The following CCDC15 variants were observed in gnomAD, a reference collection of about 807,000 sequenced individuals.
CCDC15 encodes the protein coiled-coil domain-containing protein 15.
CCDC15 carries 105 observed loss-of-function variants against 114.5 expected under a neutral mutation model. The observed-to-expected ratio is 0.92, with a 90% CI of 0.78 to 1.08. The LOEUF (loss-of-function observed/expected upper bound fraction) is 1.08. Ranked by LOEUF, CCDC15 falls within the 50% of genes least tolerant of loss-of-function variation. The pLI, the probability that CCDC15 is intolerant of heterozygous loss-of-function variation, is 0.00. For missense variants in CCDC15, 1,105 were observed against 1,093.6 expected (o/e 1.01, Z -0.15); for synonymous variants, 334 against 377.8 (o/e 0.88, Z 1.34).
At chr11:125,035,295 A>G (rs1333467382) in intron 13 of CCDC15, among the ~76,000 whole-genome samples, 4 of 152,072 alleles carry the variant, frequency 2.6e-5, no homozygotes, top group East Asian at 1.9e-4. Flanking sequence ...ACATCCTTCA[A>G]TTCAATCAAG....
At position 124,992,687 on chromosome 11, in the gene CCDC15, G is replaced by A. The variant is rs1364968571; in HGVS notation, c.2139G>A (p.Gln713=). 1 of 1,527,302 alleles carries A rather than the reference G, an allele frequency of 6.5e-7. No homozygotes were observed. The highest frequency in any genetic ancestry group is 2.3e-5 in the East Asian group (1 of 43,690). 94.6% of individuals were successfully genotyped at this position (1,527,302 alleles called of 1,614,324 possible). The change falls in exon 10 of 16, where the codon CAG becomes CAA. Residue 713 remains glutamine, a splice_region_variant and synonymous_variant. Transcript: ENST00000344762. The part of the protein sequence containing the change: ...KIQDQDSPRE[Q]NKHIKLPSSF... Reference sequence around the variant, plus strand: ...AGGACCAAGACTCCCCTAGAGAACAGGTAGAACCGAATACAGTAGGAGGAC... The same window carrying A: ...AGGACCAAGACTCCCCTAGAGAACAAGTAGAACCGAATACAGTAGGAGGAC...
intron 13 of CCDC15, among the ~76,000 whole-genome samples, chr11:125,018,875 T>A (rs1948644880): frequency 6.6e-6 from 1 of 151,798 alleles, no homozygotes; most frequent in African/African-American, 2.4e-5. Flanking sequence ...TTTGAAGGAT[T>A]TGTGGGGATA....
Position 125,005,040 on chromosome 11 carries a change from A to G in CCDC15, c.2308-69A>G, listed in dbSNP as rs1948537290. On this transcript the variant is annotated intron_variant, in intron 12 of 15. Coordinates refer to ENST00000344762, the MANE Select transcript of CCDC15 (RefSeq NM_025004.3). ...TGCATTTGTTTTTGTCTATGGTATA[A>G]GAATATTTTTCTTCCTTGGAAATTC... 4.6e-6 allele frequency: 3 copies of G among 658,040 alleles called. No individual in the cohort carries two copies. The South Asian group carries it at 6.7e-5, about 15-fold the overall frequency. The allele number at this position is 658,040 out of a possible 1,614,324, so 40.8% of individuals were successfully genotyped here. A position where few individuals can be genotyped will look rare whatever the true frequency, so the allele number is the denominator to read the frequency against.
intron 13 of CCDC15, among the ~76,000 whole-genome samples, chr11:125,037,920 GT>G (rs201886134): frequency 6.5e-4 from 75 of 115,114 alleles, no homozygotes; most frequent in East Asian, 2.6e-3. Flanking sequence ...CAGAAAAACT[GT>G]TTTTTTTTTT....
At chr11:124,998,668 T>C (rs1948417290) in intron 11 of CCDC15, among the ~76,000 whole-genome samples, 1 of 152,030 alleles carries the variant, frequency 6.6e-6, no homozygotes, top group South Asian at 2.1e-4. Flanking sequence ...CTATCTACAC[T>C]GAAAACTCCA....
At chr11:125,003,818 G>A in intron 11 of CCDC15, 49 bp from the exon 12 acceptor site, 2 of 983,024 alleles carry the variant, frequency 2.0e-6, no homozygotes, top group Non-Finnish European at 3.0e-6. Context: ...TGTTCATGGG[G>A]TAGTTTTTGG....
At chr11:124,985,055 C>G (rs1948133674) in intron 6 of CCDC15, among the ~76,000 whole-genome samples, 1 of 152,192 alleles carries the variant, frequency 6.6e-6, no homozygotes, top group Non-Finnish European at 1.5e-5. Context: ...TACCTTTTGT[C>G]TGTATAGGTT....
rs142844221 is a variant in CCDC15 at position 124,969,968 on chromosome 11, G to A, written c.517-5128G>A. On this transcript the variant is annotated intron_variant, in intron 4 of 15. Transcript: ENST00000344762. ...TGATTGATTCAGTTCTTCTCATAGG[G>A]TGACCAACCTTCCCTATTGGTCTAA... Among the ~76,000 whole-genome samples the A allele has an allele frequency of 1.2e-3, 185 of 152,232 alleles. 1 individual carries two copies. The highest frequency in any genetic ancestry group is 3.1e-3 in the African/African-American group (130 of 41,512).
intron 6 of CCDC15, among the ~76,000 whole-genome samples, chr11:124,983,680 G>A (rs1948109895): frequency 6.6e-6 from 1 of 152,116 alleles, no homozygotes; most frequent in Admixed American, 6.5e-5. Flanking sequence ...CCAGGCTGCT[G>A]GTCACAACAC....
At chr11:124,972,683 T>C (rs1947905895) in intron 4 of CCDC15, among the ~76,000 whole-genome samples, 1 of 152,152 alleles carries the variant, frequency 6.6e-6, no homozygotes, top group South Asian at 2.1e-4. Context: ...AAAACGAAGG[T>C]GTCCTCAGGG....
intron 12 of CCDC15, among the ~76,000 whole-genome samples, chr11:125,004,730 A>G (rs1948531496): frequency 1.3e-5 from 2 of 151,890 alleles, no homozygotes; most frequent in African/African-American, 4.8e-5. Flanking sequence ...TGCTTTTGTG[A>G]TACTGTTTTA....
rs1390647546 is a variant in CCDC15 at position 124,957,554 on chromosome 11, G to A, written c.178-1561G>A. On this transcript the variant is annotated intron_variant, in intron 2 of 15. Transcript: ENST00000344762. ...TCTTTATGACCTGGCTTGTAATCTT[G>A]TGGAGTAAAAGAGGAGCAGAGAAAA... 3.9e-5 allele frequency among the ~76,000 whole-genome samples: 6 copies of A among 152,184 alleles called. No homozygotes were observed. The East Asian group carries it at 1.2e-3, about 29-fold the overall frequency.
chr11:124,979,733 C>G lies in CCDC15; in HGVS notation c.753+2133C>G, dbSNP rs117389961. ...GCAAATAGGGATAGTTTGACTTCCTCTCTTCCTACTTGGATGTCATTTTTT... is the reference window on the plus strand; with the variant it reads ...GCAAATAGGGATAGTTTGACTTCCTGTCTTCCTACTTGGATGTCATTTTTT... On this transcript the variant is annotated intron_variant, in intron 6 of 15. Coordinates refer to ENST00000344762, the MANE Select transcript of CCDC15 (RefSeq NM_025004.3). Among the ~76,000 whole-genome samples the G allele has an allele frequency of 8.6e-3, 1,310 of 152,270 alleles. 12 individuals carry two copies. The highest frequency in any genetic ancestry group is 0.015 in the Non-Finnish European group (1,032 of 68,006).
chr11:124,956,005 GAGTA>G (rs1947542271), intron 2 of CCDC15, among the ~76,000 whole-genome samples: 1 of 152,148 alleles, frequency 6.6e-6, no homozygotes, highest in Non-Finnish European at 1.5e-5. Context: ...AGAATGAGGA[GAGTA>G]AGAAGTAAGC....
intron 4 of CCDC15, among the ~76,000 whole-genome samples, chr11:124,961,422 TTG>T (rs1947655319): frequency 6.6e-6 from 1 of 152,184 alleles, no homozygotes; most frequent in Non-Finnish European, 1.5e-5. Context: ...TGCAATAAAG[TTG>T]TGCTATGGGA....
At position 125,019,062 on chromosome 11, in the gene CCDC15, TAA is replaced by T. The variant is rs1395590777; in HGVS notation, c.2411+13852_2411+13853del. On this transcript the variant is annotated intron_variant, in intron 13 of 15. Coordinates refer to ENST00000344762, the MANE Select transcript of CCDC15 (RefSeq NM_025004.3). ...TAAGAAATAAGGAAAGACATGATTG[TAA>T]AGACCTTAGTATGTCATGAGAAAAA... is the stretch of plus-strand genomic sequence containing the variant. Among the ~76,000 whole-genome samples the T allele has an allele frequency of 2.0e-5, 3 of 152,100 alleles. No individual in the cohort carries two copies. In the East Asian group the frequency reaches 5.8e-4, roughly 29 times the overall value.
At chr11:125,020,701 T>A (rs1396332952) in intron 13 of CCDC15, among the ~76,000 whole-genome samples, 2 of 152,012 alleles carry the variant, frequency 1.3e-5, no homozygotes, top group Non-Finnish European at 2.9e-5. Context: ...AATTGACATA[T>A]TGATTTCTGA....
At chr11:124,984,272 C>G (rs1207308597) in intron 6 of CCDC15, among the ~76,000 whole-genome samples, 1 of 152,068 alleles carries the variant, frequency 6.6e-6, no homozygotes, top group African/African-American at 2.4e-5. Flanking sequence ...CAGGCTCATG[C>G]TGGTTGGTGT....
At chr11:125,025,067 A>AATATATATATGAATAT (rs1365002248) in intron 13 of CCDC15, among the ~76,000 whole-genome samples, 35 of 115,062 alleles carry the variant, frequency 3.0e-4, no homozygotes, top group South Asian at 1.0e-3. Context: ...TATATATATG[A>AATATATATATGAATAT]ATATATGAAT....
Sources: gnomAD v4.1 joint callset for allele counts (sites outside exome capture counted in the v4.1 genomes callset) on GRCh38, gnomAD v4.1.1 for gene constraint, MANE v1.5 for transcripts, NCBI Gene and HGNC (gene_info 2026-07-23, HGNC 2026-07-21) for gene names.